Variants in DSCAM observed in about 807,000 individuals in gnomAD.
DSCAM encodes the protein cell adhesion molecule DSCAM.
Under a neutral mutation model 217.7 loss-of-function variants are expected in DSCAM, and 47 were observed. The observed-to-expected ratio is 0.22, with a 90% CI of 0.17 to 0.28. DSCAM has a LOEUF of 0.28. DSCAM is among the 10% of genes least tolerant of loss of function. DSCAM has a pLI of 1.00. For missense variants in DSCAM, 2,080 were observed against 2,618.3 expected, an observed-to-expected ratio of 0.79 and a Z score of 4.49; for synonymous variants, 1,056 against 1,015.3, an observed-to-expected ratio of 1.04 and a Z score of -0.76.
intron 3 of DSCAM, among the ~76,000 whole-genome samples, chr21:40,449,678 T>C (rs956371503): frequency 6.6e-6 from 1 of 152,186 alleles, no homozygotes; most frequent in Non-Finnish European, 1.5e-5. Context: ...TGGTGGCAGT[T>C]TTTGTTGAAG....
At chr21:40,146,413 G>A (rs1243256511) in intron 16 of DSCAM, among the ~76,000 whole-genome samples, 3 of 152,164 alleles carry the variant, frequency 2.0e-5, no homozygotes, top group African/African-American at 7.2e-5. Flanking sequence ...ATGTGACCGG[G>A]GGAGGGCAGA....
intron 3 of DSCAM, among the ~76,000 whole-genome samples, chr21:40,516,304 C>G (rs572180803): frequency 6.6e-6 from 1 of 152,188 alleles, no homozygotes; most frequent in Admixed American, 6.5e-5. Flanking sequence ...ATCTGGTGCC[C>G]CTGGGGTGAA....
intron 3 of DSCAM, among the ~76,000 whole-genome samples, chr21:40,476,545 C>T (rs532810531): frequency 5.3e-5 from 8 of 152,092 alleles, no homozygotes; most frequent in Non-Finnish European, 1.2e-4. Context: ...TTGCTCACAA[C>T]CTTATCAGCT....
rs200837727 is a variant in DSCAM, at chr21:40,438,431, A to T, written c.509-69186T>A. ...GAATGAATGAATGAGTGGTAAGTGA[A>T]GGAGTTAAATAAATGAGAAAGTGCA... On this transcript the variant is annotated intron_variant, in intron 3 of 32. Transcript: ENST00000400454. 3.9e-3 allele frequency among the ~76,000 whole-genome samples: 595 copies of T among 152,326 alleles called. 18 individuals carry two copies. The East Asian group carries it at 0.07, about 18-fold the overall frequency.
intron 1 of DSCAM, among the ~76,000 whole-genome samples, chr21:40,812,178 T>C (rs1195533147): frequency 1.3e-5 from 2 of 152,086 alleles, no homozygotes; most frequent in Non-Finnish European, 2.9e-5. Flanking sequence ...AGAAACAGAA[T>C]TGAATCAGAA....
chr21:40,610,696 C>T (rs989950501), intron 3 of DSCAM, among the ~76,000 whole-genome samples: 1 of 152,184 alleles, frequency 6.6e-6, no homozygotes, highest in African/African-American at 2.4e-5. Context: ...GGCCAGGCAT[C>T]AGGGTGGCCG....
intron 3 of DSCAM, among the ~76,000 whole-genome samples, chr21:40,419,468 C>A (rs1046825933): frequency 6.6e-6 from 1 of 151,998 alleles, no homozygotes; most frequent in Admixed American, 6.6e-5. Context: ...GTAATTTATA[C>A]ATGAAAACAC....
chr21:40,256,047 T>C (rs367919853), intron 11 of DSCAM, among the ~76,000 whole-genome samples: 66 of 152,328 alleles, frequency 4.3e-4, no homozygotes, highest in African/African-American at 1.5e-3. Context: ...TTTGTGGTAG[T>C]TTGTAATGGC....
At chr21:40,799,133 T>A (rs2091716767) in intron 1 of DSCAM, among the ~76,000 whole-genome samples, 1 of 152,162 alleles carries the variant, frequency 6.6e-6, no homozygotes, top group Admixed American at 6.5e-5. Context: ...TTTATTTTTT[T>A]AATTGAGAGC....
chr21:40,799,890 C>G (rs1404069752), intron 1 of DSCAM, among the ~76,000 whole-genome samples: 1 of 152,170 alleles, frequency 6.6e-6, no homozygotes, highest in Non-Finnish European at 1.5e-5. Flanking sequence ...GTTTTGGAGA[C>G]AGTACACTGC....
At chr21:40,672,985 C>T (rs761771961) in intron 3 of DSCAM, among the ~76,000 whole-genome samples, 4 of 152,182 alleles carry the variant, frequency 2.6e-5, no homozygotes, top group African/African-American at 7.2e-5. Context: ...ACATCAATCC[C>T]CAGCCCAGAA....
intron 30 of DSCAM, among the ~76,000 whole-genome samples, chr21:40,047,255 G>T (rs973893540): frequency 2.0e-5 from 3 of 152,118 alleles, no homozygotes; most frequent in African/African-American, 7.2e-5. Context: ...GTATGATAAT[G>T]ACTAAGATAG....
At chr21:40,603,931 T>C (rs1185747048) in intron 3 of DSCAM, among the ~76,000 whole-genome samples, 3 of 149,862 alleles carry the variant, frequency 2.0e-5, no homozygotes, top group African/African-American at 7.3e-5. Context: ...ATTTCTTTTT[T>C]TTTTTTTTTT....
intron 32 of DSCAM, among the ~76,000 whole-genome samples, chr21:40,022,483 T>A (rs1209382959): frequency 6.6e-6 from 1 of 152,256 alleles, no homozygotes; most frequent in African/African-American, 2.4e-5. Flanking sequence ...GGATAAGCAG[T>A]TGTACCCCTC....
chr21:40,641,091 T>C (rs143695153), intron 3 of DSCAM, among the ~76,000 whole-genome samples: 2 of 152,308 alleles, frequency 1.3e-5, no homozygotes, highest in African/African-American at 4.8e-5. Flanking sequence ...TAGTAATACA[T>C]AGGAGAACGA....
At chr21:40,398,685 A>G (rs1332877173) in intron 3 of DSCAM, among the ~76,000 whole-genome samples, 1 of 136,428 alleles carries the variant, frequency 7.3e-6, no homozygotes, top group East Asian at 2.2e-4. Flanking sequence ...GCCAGGCTGG[A>G]GTGCAGTGGC....
chr21:40,058,998 C>T (rs768223971), intron 28 of DSCAM, among the ~76,000 whole-genome samples: 19 of 152,184 alleles, frequency 1.2e-4, no homozygotes, highest in East Asian at 1.9e-4. Flanking sequence ...AGAGCAGAGA[C>T]GGTTTCATAG....
chr21:40,155,295 G>A (rs1461454763), intron 16 of DSCAM, among the ~76,000 whole-genome samples: 4 of 152,202 alleles, frequency 2.6e-5, no homozygotes, highest in South Asian at 4.1e-4. Flanking sequence ...CCTAGCTCCC[G>A]CGCCCAACAA....
intron 32 of DSCAM, among the ~76,000 whole-genome samples, chr21:40,030,846 A>G (rs2088508455): frequency 6.6e-6 from 1 of 152,092 alleles, no homozygotes; most frequent in Non-Finnish European, 1.5e-5. Context: ...ACCTGTTCTG[A>G]GGGGTTCTCA....
Sources: gnomAD v4.1 joint callset for allele counts (sites outside exome capture counted in the v4.1 genomes callset) on GRCh38, gnomAD v4.1.1 for gene constraint, MANE v1.5 for transcripts, NCBI Gene and HGNC (gene_info 2026-07-23, HGNC 2026-07-21) for gene names.